PRKCB: variants seen among roughly 807,000 people sequenced by gnomAD.
The protein encoded by PRKCB is protein kinase C beta.
Under a neutral mutation model 81.5 loss-of-function variants are expected in PRKCB, and 13 were observed. The observed-to-expected ratio is 0.16, with a 90% CI of 0.10 to 0.25. PRKCB has a LOEUF of 0.25. Among genes scored for constraint, PRKCB ranks in the 10% least tolerant of loss-of-function variants. The probability of loss-of-function intolerance (pLI) is 1.00; values close to 1 mark genes in which losing one functional copy is unlikely to be tolerated. For synonymous variants in PRKCB, 335 were observed against 321.4 expected (o/e 1.04, Z -0.45); for missense variants, 509 against 875.7 (o/e 0.58, Z 5.29).
At chr16:23,865,516 TA>T (rs1962771798) in intron 2 of PRKCB, among the ~76,000 whole-genome samples, 1 of 9,378 alleles carries the variant, frequency 1.1e-4, no homozygotes, top group Non-Finnish European at 1.8e-4. Flanking sequence ...TATATATATA[TA>T]TGTGTGTGTG....
At chr16:23,977,053 G>A (rs935963335) in intron 2 of PRKCB, among the ~76,000 whole-genome samples, 5 of 152,080 alleles carry the variant, frequency 3.3e-5, no homozygotes, top group Admixed American at 6.5e-5. Flanking sequence ...TCTTTCTTTT[G>A]TTTTTCCTTT....
intron 5 of PRKCB, among the ~76,000 whole-genome samples, chr16:24,043,761 T>C (rs944171725): frequency 3.9e-5 from 6 of 152,164 alleles, no homozygotes; most frequent in Admixed American, 1.3e-4. Flanking sequence ...GGCGCGGTCA[T>C]TGCTCCCAAA....
intron 3 of PRKCB, among the ~76,000 whole-genome samples, chr16:24,017,594 T>A (rs982119578): frequency 1.3e-5 from 2 of 152,160 alleles, no homozygotes; most frequent in African/African-American, 4.8e-5. Flanking sequence ...GGGAAAACAT[T>A]TACTGCATAT....
chr16:24,174,691 C>T (rs1967501395), intron 12 of PRKCB, 111 bp downstream of exon 12: 6 of 1,027,904 alleles, frequency 5.8e-6, no homozygotes, highest in Non-Finnish European at 7.3e-6. Context: ...GGGAGGAATC[C>T]TCCAGAACTA....
chr16:24,068,589 G>C (rs916141088), intron 5 of PRKCB, among the ~76,000 whole-genome samples: 1 of 151,776 alleles, frequency 6.6e-6, no homozygotes, highest in Non-Finnish European at 1.5e-5. Context: ...GTTGCTCTCA[G>C]TGGGAGAGCT....
At chr16:23,842,742 A>C (rs1962288609) in intron 2 of PRKCB, among the ~76,000 whole-genome samples, 1 of 152,242 alleles carries the variant, frequency 6.6e-6, no homozygotes, top group South Asian at 2.1e-4. Flanking sequence ...ATTATTCTTA[A>C]AAAACCCCAA....
intron 2 of PRKCB, among the ~76,000 whole-genome samples, chr16:23,894,841 A>G (rs971029975): frequency 2.0e-5 from 3 of 152,116 alleles, no homozygotes; most frequent in East Asian, 1.9e-4. Context: ...TTGAGTCTAT[A>G]TTCATTAGTG....
At chr16:24,106,881 A>C (rs78081140) in intron 7 of PRKCB, among the ~76,000 whole-genome samples, 144 of 152,276 alleles carry the variant, frequency 9.5e-4, no homozygotes, top group African/African-American at 3.2e-3. Flanking sequence ...ATATGAGAAG[A>C]ATATTAATAT....
chr16:23,869,936 C>G (rs1042883036), intron 2 of PRKCB, among the ~76,000 whole-genome samples: 83 of 151,676 alleles, frequency 5.5e-4, no homozygotes, highest in Middle Eastern at 3.4e-3. Context: ...GCAGGAGAAT[C>G]GCTTAAACCT....
intron 16 of PRKCB, 71 bp from the exon 17 acceptor site, chr16:24,214,587 C>G: frequency 3.1e-6 from 4 of 1,283,000 alleles, no homozygotes; most frequent in Non-Finnish European, 4.5e-6. Flanking sequence ...ATGCTAGGTT[C>G]TGTTTTATTT....
intron 2 of PRKCB, among the ~76,000 whole-genome samples, chr16:23,908,440 C>T (rs552358055): frequency 3.9e-5 from 6 of 152,254 alleles, no homozygotes; most frequent in South Asian, 4.1e-4. Flanking sequence ...TCCCCAGGTG[C>T]GGCTCTAACA....
intron 2 of PRKCB, among the ~76,000 whole-genome samples, chr16:23,910,685 A>C (rs2141732479): frequency 6.6e-6 from 1 of 152,362 alleles, no homozygotes; most frequent in East Asian, 1.9e-4. Context: ...TGTAAAATTC[A>C]CATTTTAACC....
intron 3 of PRKCB, among the ~76,000 whole-genome samples, chr16:24,012,168 C>A (rs1473786914): frequency 3.9e-5 from 6 of 152,172 alleles, no homozygotes; most frequent in Non-Finnish European, 8.8e-5. Context: ...TCTCCATGGC[C>A]AAATCCTATA....
At chr16:24,179,927 T>C (rs996869510) in intron 12 of PRKCB, among the ~76,000 whole-genome samples, 10 of 152,198 alleles carry the variant, frequency 6.6e-5, no homozygotes, top group African/African-American at 9.7e-5. Flanking sequence ...GCATAGTGCC[T>C]GTCACATAGT....
intron 2 of PRKCB, among the ~76,000 whole-genome samples, chr16:23,881,404 C>T (rs371833564): frequency 8.5e-5 from 13 of 152,138 alleles, no homozygotes; most frequent in African/African-American, 3.1e-4. Flanking sequence ...AGGCACTCAC[C>T]ACCACACCCA....
intron 5 of PRKCB, among the ~76,000 whole-genome samples, chr16:24,067,957 A>AG: frequency 6.7e-6 from 1 of 149,638 alleles, no homozygotes; most frequent in African/African-American, 2.5e-5. Flanking sequence ...AAAAAAAAAA[A>AG]AAGAGAGAGA....
At chr16:23,905,135 G>A (rs1247802611) in intron 2 of PRKCB, among the ~76,000 whole-genome samples, 1 of 151,046 alleles carries the variant, frequency 6.6e-6, no homozygotes, top group African/African-American at 2.4e-5. Flanking sequence ...CTTCCATTTA[G>A]AGAAGCAGCC....
At chr16:23,898,167 G>A (rs146295103) in intron 2 of PRKCB, among the ~76,000 whole-genome samples, 2 of 151,516 alleles carry the variant, frequency 1.3e-5, no homozygotes, top group Admixed American at 6.6e-5. Context: ...CCAGGTTCAC[G>A]CCATTCTCCT....
chr16:24,073,974 C>T (rs1196643701), intron 5 of PRKCB, among the ~76,000 whole-genome samples: 1 of 151,704 alleles, frequency 6.6e-6, no homozygotes, highest in Non-Finnish European at 1.5e-5. Flanking sequence ...AACCCCGATA[C>T]AAAAATATTA....
Sources: gnomAD v4.1 joint callset for allele counts (sites outside exome capture counted in the v4.1 genomes callset) on GRCh38, gnomAD v4.1.1 for gene constraint, MANE v1.5 for transcripts, NCBI Gene and HGNC (gene_info 2026-07-23, HGNC 2026-07-21) for gene names.